The following PIAS2 variants were observed in gnomAD, a reference collection of about 807,000 sequenced individuals.
The protein encoded by PIAS2 is E3 SUMO-protein ligase PIAS2.
PIAS2 carries 19 observed loss-of-function variants against 69.7 expected under a neutral mutation model. The ratio of observed to expected loss-of-function variants is 0.27; its 90% CI spans 0.19 to 0.40. The LOEUF is 0.40. PIAS2 is among the 10% of genes least tolerant of loss of function. The pLI is 1.00. For missense variants in PIAS2, 624 were observed against 757.0 expected (o/e 0.82, Z 2.06); for synonymous variants, 261 against 263.2 (o/e 0.99, Z 0.08).
chr18:46,810,315 G>T lies in PIAS2; in HGVS notation c.*2118C>A, dbSNP rs1212175561. The T allele has an allele frequency of 2.6e-5, 4 of 151,934 alleles. No individual in the cohort carries two copies. Among genetic ancestry groups the T allele is most frequent in the African/African-American group, 4.8e-5 (2 of 41,352 alleles). The allele number at this position is 151,934 out of a possible 1,614,324, so 9.4% of individuals were successfully genotyped here. A position where few individuals can be genotyped will look rare whatever the true frequency, so the allele number is the denominator to read the frequency against. ...TATAAAACTTTGTTGATTAAATTGG[G>T]GGAGTCTCTGACAATCTAAAGGGTA... On this transcript the variant is annotated 3_prime_UTR_variant, in exon 14 of 14. Coordinates refer to ENST00000585916, the MANE Select transcript of PIAS2 (RefSeq NM_004671.5).
intron 8 of PIAS2, among the ~76,000 whole-genome samples, chr18:46,837,616 A>G (rs1178871081): frequency 6.6e-6 from 1 of 152,208 alleles, no homozygotes; most frequent in African/African-American, 2.4e-5. Flanking sequence ...TTGTTTTTAT[A>G]TAATCAACTG....
In PIAS2 at chr18:46,805,724, T is replaced by C. The variant is rs2040655101; in HGVS notation, c.*6709A>G. The C allele has an allele frequency of 6.6e-6, 1 of 152,088 alleles. No homozygotes were observed. Among genetic ancestry groups the C allele is most frequent in the African/African-American group, 2.4e-5 (1 of 41,410 alleles). The allele number at this position is 152,088 out of a possible 1,614,324, so 9.4% of individuals were successfully genotyped here. A position where few individuals can be genotyped will look rare whatever the true frequency, so the allele number is the denominator to read the frequency against. On this transcript the variant is annotated 3_prime_UTR_variant, in exon 14 of 14. Coordinates refer to ENST00000585916, the MANE Select transcript of PIAS2 (RefSeq NM_004671.5). ...TAGCCAAGTATGGCCTAGGAAGGGA[T>C]CAGTGACTGGGGCGTGACTAGAACA...
chr18:46,854,646 C>T (rs968251392), intron 5 of PIAS2, among the ~76,000 whole-genome samples: 21 of 152,196 alleles, frequency 1.4e-4, no homozygotes, highest in African/African-American at 4.6e-4. Flanking sequence ...AGACAGGCTG[C>T]ATGCATTTAC....
At position 46,890,950 on chromosome 18, in the gene PIAS2, A is replaced by G; in HGVS notation, c.129T>C (p.His43=). Reference sequence around the variant, plus strand: ...CAGGGCTGCAGCCGCTCTTCAATAAATGCAGCGCCCTCATCAGGAGGTCAT... The same window carrying G: ...CAGGGCTGCAGCCGCTCTTCAATAAGTGCAGCGCCCTCATCAGGAGGTCAT... ...RKHDLLMRAL[H]LLKSGCSPAV... The change falls in exon 2 of 14, where the codon CAT becomes CAC. Residue 43 remains histidine (H), a synonymous_variant. Coordinates refer to ENST00000585916, the MANE Select transcript of PIAS2 (RefSeq NM_004671.5). The G allele has an allele frequency of 1.2e-6, 2 of 1,614,154 alleles. No homozygotes were observed. Among genetic ancestry groups the G allele is most frequent in the Non-Finnish European group, 1.7e-6 (2 of 1,179,988 alleles).
In PIAS2 at chr18:46,890,798, G is replaced by A; in HGVS notation, c.281C>T (p.Pro94Leu). ...GTGGATTCCAGCCACGGCCAAGTCA[G>A]GTTCTACAGGTGATGAGCCACCATC... ...SLDGGSSPVEPDLAVAGIHSL... is the reference protein window; with the variant it reads ...SLDGGSSPVELDLAVAGIHSL... Residue 94 changes from proline (P) to leucine (L), a missense_variant, in exon 2 of 14, where the codon CCT (proline) becomes CTT (leucine). Pro to Leu is a moderately conservative substitution (Grantham distance 98). Coordinates refer to ENST00000585916, the MANE Select transcript of PIAS2 (RefSeq NM_004671.5). 6.2e-7 allele frequency: 1 copy of A among 1,614,174 alleles called. No individual in the cohort carries two copies. Among genetic ancestry groups the A allele is most frequent in the Non-Finnish European group, 8.5e-7 (1 of 1,180,032 alleles).
At chr18:46,872,697 G>A (rs1025042251) in intron 2 of PIAS2, among the ~76,000 whole-genome samples, 2 of 152,150 alleles carry the variant, frequency 1.3e-5, no homozygotes, top group Admixed American at 6.5e-5. Context: ...AGGCCCGAAC[G>A]GGTCAAAGGA....
chr18:46,917,467 A>C lies in PIAS2; in HGVS notation c.-122T>G. On this transcript the variant is annotated 5_prime_UTR_variant, in exon 1 of 14. Transcript: ENST00000585916. ...ACCATCCTGCACTGGGCGCCGCTTA[A>C]GACGCCGCGGCCGCCGCCGCTACAG... 2 of 1,217,162 alleles carry C rather than the reference A, an allele frequency of 1.6e-6. No homozygotes were observed. Among genetic ancestry groups the C allele is most frequent in the Non-Finnish European group, 2.1e-6 (2 of 973,488 alleles). 75.4% of individuals were successfully genotyped at this position (1,217,162 alleles called of 1,614,324 possible).
intron 11 of PIAS2, among the ~76,000 whole-genome samples, chr18:46,824,845 A>AT (rs2042624128): frequency 6.6e-6 from 1 of 151,346 alleles, no homozygotes; most frequent in Non-Finnish European, 1.5e-5. Flanking sequence ...TTTACAAAAA[A>AT]AAAAAAAACA....
intron 1 of PIAS2, among the ~76,000 whole-genome samples, chr18:46,897,301 G>A (rs1489178306): frequency 6.6e-6 from 1 of 152,132 alleles, no homozygotes; most frequent in African/African-American, 2.4e-5. Flanking sequence ...CAGGTCTGGG[G>A]CAGGAAATGC....
chr18:46,846,509 T>G, intron 6 of PIAS2, 198 bp downstream of exon 6: 3 of 407,452 alleles, frequency 7.4e-6, no homozygotes, highest in Non-Finnish European at 8.6e-6. Flanking sequence ...AATAAAGAGA[T>G]GATATTCAGG....
intron 13 of PIAS2, 26 bp from the exon 14 acceptor site, chr18:46,812,638 A>G (rs774956853): frequency 9.7e-5 from 142 of 1,462,666 alleles, no homozygotes; most frequent in Non-Finnish European, 1.3e-4. Flanking sequence ...AATGATGCCA[A>G]TGAGGAAGAG....
intron 2 of PIAS2, among the ~76,000 whole-genome samples, chr18:46,867,572 TG>T (rs1468042355): frequency 6.6e-6 from 1 of 152,186 alleles, no homozygotes; most frequent in Non-Finnish European, 1.5e-5. Context: ...AGAGATTCCA[TG>T]AATGCCTTTA....
At chr18:46,868,796 T>A (rs1014242164) in intron 2 of PIAS2, among the ~76,000 whole-genome samples, 1 of 152,218 alleles carries the variant, frequency 6.6e-6, no homozygotes, top group Admixed American at 6.5e-5. Context: ...CATCCGCGAT[T>A]GCCTTTCTCA....
At position 46,821,091 on chromosome 18, in the gene PIAS2, G is replaced by A. The variant is rs1385643477; in HGVS notation, c.1509-19C>T. On this transcript the variant is annotated intron_variant, in intron 11 of 13. Transcript: ENST00000585916. The stretch of plus-strand genomic sequence containing the variant: ...GAGAACCCTGTTTTAAATAGCACGG[G>A]AAATTACAAACAATCTGGCTGTTAG... 1 of 1,612,014 alleles carries A rather than the reference G, an allele frequency of 6.2e-7. No individual in the cohort carries two copies. Among genetic ancestry groups the A allele is most frequent in the Non-Finnish European group, 8.5e-7 (1 of 1,178,974 alleles).
intron 6 of PIAS2, among the ~76,000 whole-genome samples, chr18:46,845,631 TAA>T (rs772476218): frequency 1.4e-5 from 2 of 145,410 alleles, no homozygotes; most frequent in Non-Finnish European, 3.0e-5. Flanking sequence ...ACATAAATGT[TAA>T]AAAAAAAAAA....
In PIAS2 at chr18:46,812,241, GA is replaced by G. The variant is rs1454951063; in HGVS notation, c.*191del. On this transcript the variant is annotated 3_prime_UTR_variant, in exon 14 of 14. Transcript: ENST00000585916. ...GATGCTGAGAGTACAGCATAATTAA[GA>G]AAAATCCTTGCATGTCATTTGGTTC... 2 of 507,758 alleles carry G rather than the reference GA, an allele frequency of 3.9e-6. No homozygotes were observed. The highest frequency in any genetic ancestry group is 7.0e-6 in the Non-Finnish European group (2 of 287,226). The allele number at this position is 507,758 out of a possible 1,614,324, so 31.5% of individuals were successfully genotyped here. A position where few individuals can be genotyped will look rare whatever the true frequency, so the allele number is the denominator to read the frequency against.
Position 46,812,425 on chromosome 18 carries a change from G to A in PIAS2, c.*8C>T, listed in dbSNP as rs377366293. On this transcript the variant is annotated 3_prime_UTR_variant, in exon 14 of 14. Coordinates refer to ENST00000585916, the MANE Select transcript of PIAS2 (RefSeq NM_004671.5). ...ATGAATGATTCCCAGAATCAAGTGA[G>A]TCCTCCTTTAGTCCAATGAGATGAT... The A allele has an allele frequency of 1.1e-5, 17 of 1,578,098 alleles. No homozygotes were observed. In the African/African-American group the frequency reaches 2.3e-4, roughly 21 times the overall value.
intron 1 of PIAS2, among the ~76,000 whole-genome samples, chr18:46,913,908 T>C (rs144019673): frequency 6.6e-6 from 1 of 152,330 alleles, no homozygotes; most frequent in East Asian, 1.9e-4. Context: ...CTTCAAGCGA[T>C]CCTCTTGCCT....
intron 1 of PIAS2, chr18:46,916,825 A>G: frequency 1.0e-6 from 1 of 985,438 alleles, no homozygotes; most frequent in Non-Finnish European, 1.2e-6. Context: ...TTCTCGTGAC[A>G]GACCTGACTA....
Sources: allele counts gnomAD v4.1 joint callset (sites outside exome capture counted in the v4.1 genomes callset), GRCh38; gene constraint gnomAD v4.1.1; transcripts MANE v1.5; gene names NCBI Gene and HGNC (gene_info 2026-07-23, HGNC 2026-07-21).